The following LTBP1 variants were observed in gnomAD, a reference collection of about 807,000 sequenced individuals.
LTBP1 encodes latent-transforming growth factor beta-binding protein 1.
Under a neutral mutation model 207.6 loss-of-function variants are expected in LTBP1, and 129 were observed. That is an observed-to-expected ratio of 0.62 (90% CI 0.54 to 0.72). The LOEUF is 0.72. LTBP1 is among the 30% of genes least tolerant of loss of function. The pLI, the probability that LTBP1 is intolerant of heterozygous loss-of-function variation, is 0.00. For synonymous variants in LTBP1, 963 were observed against 833.7 expected, an observed-to-expected ratio of 1.16 and a Z score of -2.67; for missense variants, 2,281 against 2,217.2, an observed-to-expected ratio of 1.03 and a Z score of -0.58.
At chr2:33,333,819 A>C (rs2094524388) in intron 24 of LTBP1, among the ~76,000 whole-genome samples, 1 of 152,174 alleles carries the variant, frequency 6.6e-6, no homozygotes, top group Admixed American at 6.5e-5. Flanking sequence ...TCTAGACCGC[A>C]TGTGAAGCCA....
chr2:33,093,677 C>G (rs1411662404), intron 3 of LTBP1, among the ~76,000 whole-genome samples: 1 of 152,032 alleles, frequency 6.6e-6, no homozygotes, highest in Non-Finnish European at 1.5e-5. Context: ...AGAAATTACT[C>G]TTGTTCTTTG....
intron 3 of LTBP1, among the ~76,000 whole-genome samples, chr2:33,023,489 GCAGTTTGCTTTGGAGACTT>G (rs1389401072): frequency 6.6e-6 from 1 of 152,162 alleles, no homozygotes; most frequent in East Asian, 1.9e-4. Context: ...AAGTCATTAG[GCAGTTTGCTTTGGAGACTT>G]CATCTGCTGA....
At chr2:33,123,037 ACTTTTCCTCACTCTCTTTATAG>A (rs1212383136) in intron 4 of LTBP1, among the ~76,000 whole-genome samples, 49 of 152,272 alleles carry the variant, frequency 3.2e-4, no homozygotes, top group Middle Eastern at 3.4e-3. Flanking sequence ...CAGCTGCTCA[ACTTTTCCTCACTCTCTTTATAG>A]CTTTTCCTCA....
intron 3 of LTBP1, among the ~76,000 whole-genome samples, chr2:33,043,939 G>A (rs770229044): frequency 1.3e-5 from 2 of 152,056 alleles, no homozygotes; most frequent in Admixed American, 6.5e-5. Flanking sequence ...TGTAGAGGGT[G>A]GAGAAGGCAG....
rs867655635 is a variant in LTBP1, at chr2:32,947,883, G to A, written c.494+65G>A. On this transcript the variant is annotated intron_variant, in intron 1 of 33. Coordinates refer to ENST00000404816, the MANE Select transcript of LTBP1 (RefSeq NM_206943.4). ...GCGCACCGCCCGCGGAGGGACCTGC[G>A]GGGTCAGGGCCACTCGGAGCCCCGC... The A allele has an allele frequency of 4.8e-6, 6 of 1,251,684 alleles. No homozygotes were observed. In the African/African-American group the frequency reaches 5.1e-5, roughly 11 times the overall value. The allele number at this position is 1,251,684 out of a possible 1,614,324, so 77.5% of individuals were successfully genotyped here. A position where few individuals can be genotyped will look rare whatever the true frequency, so the allele number is the denominator to read the frequency against.
chr2:33,190,239 C>G (rs1237353836), intron 7 of LTBP1, among the ~76,000 whole-genome samples: 1 of 152,112 alleles, frequency 6.6e-6, no homozygotes, highest in Non-Finnish European at 1.5e-5. Context: ...CTGTGGTTTC[C>G]CTCCTGTCTT....
chr2:33,350,874 AC>A, intron 26 of LTBP1, among the ~76,000 whole-genome samples: 1 of 152,298 alleles, frequency 6.6e-6, no homozygotes, highest in East Asian at 1.9e-4. Flanking sequence ...TTCAGACCTT[AC>A]CCACAAAATG....
At chr2:32,961,525 T>C (rs1233739736) in intron 2 of LTBP1, among the ~76,000 whole-genome samples, 3 of 151,372 alleles carry the variant, frequency 2.0e-5, no homozygotes, top group Non-Finnish European at 1.5e-5. Flanking sequence ...TTTTGGAACA[T>C]TTGTATGCTC....
intron 3 of LTBP1, among the ~76,000 whole-genome samples, chr2:33,035,196 G>A (rs1053150683): frequency 6.6e-6 from 1 of 152,168 alleles, no homozygotes; most frequent in Non-Finnish European, 1.5e-5. Context: ...AAACAAATGA[G>A]TTTCTTAAAG....
At chr2:33,332,393 AAAAAAGAG>A (rs1274501949) in intron 24 of LTBP1, among the ~76,000 whole-genome samples, 41 of 144,294 alleles carry the variant, frequency 2.8e-4, no homozygotes, top group Non-Finnish European at 4.9e-4. Context: ...AAAAAAAAAA[AAAAAAGAG>A]AGAGAGAGAC....
chr2:33,309,039 T>C (rs2149143086), intron 22 of LTBP1, among the ~76,000 whole-genome samples: 1 of 152,214 alleles, frequency 6.6e-6, no homozygotes, highest in Non-Finnish European at 1.5e-5. Flanking sequence ...TCTCAACACT[T>C]TGGGAGGCTG....
At chr2:33,267,880 C>T (rs2093223339) in intron 15 of LTBP1, among the ~76,000 whole-genome samples, 1 of 152,168 alleles carries the variant, frequency 6.6e-6, no homozygotes, top group Non-Finnish European at 1.5e-5. Flanking sequence ...ATGCAAGTAG[C>T]CTTGCTATAG....
At chr2:33,292,099 A>G (rs1377511288) in intron 19 of LTBP1, among the ~76,000 whole-genome samples, 1 of 152,164 alleles carries the variant, frequency 6.6e-6, no homozygotes, top group Non-Finnish European at 1.5e-5. Context: ...TTGATACCTC[A>G]CTAGTGTCTG....
intron 24 of LTBP1, among the ~76,000 whole-genome samples, chr2:33,335,852 A>G (rs2094548421): frequency 1.3e-5 from 2 of 152,124 alleles, no homozygotes; most frequent in Admixed American, 6.5e-5. Flanking sequence ...CTGTTTTCCT[A>G]AGATTCTGGC....
In LTBP1 at chr2:33,389,542, C is replaced by A. The variant is rs2095297525; in HGVS notation, c.4834+236C>A. ...CGTGAGCCGAGATCACACCACTGCA[C>A]TCCAGCCTGGGCAACACAATGAGAC... On this transcript the variant is annotated intron_variant, in intron 32 of 33. Coordinates refer to ENST00000404816, the MANE Select transcript of LTBP1 (RefSeq NM_206943.4). 3.3e-5 allele frequency among the ~76,000 whole-genome samples: 5 copies of A among 152,300 alleles called. No homozygotes were observed. In the South Asian group the frequency reaches 8.3e-4, roughly 25 times the overall value.
chr2:33,289,918 T>G (rs2093740732), intron 19 of LTBP1, among the ~76,000 whole-genome samples: 1 of 152,186 alleles, frequency 6.6e-6, no homozygotes, highest in Non-Finnish European at 1.5e-5. Flanking sequence ...ACCTGCTTCC[T>G]TCATAACCCA....
intron 12 of LTBP1, 88 bp from the exon 13 acceptor site, chr2:33,259,500 T>G: frequency 2.2e-6 from 2 of 908,410 alleles, no homozygotes; most frequent in South Asian, 1.9e-5. Context: ...GCAGAGATAA[T>G]GGACTTCTAT....
intron 25 of LTBP1, 115 bp from the exon 26 acceptor site, chr2:33,347,252 C>T (rs1229311318): frequency 5.9e-6 from 7 of 1,178,224 alleles, no homozygotes; most frequent in Non-Finnish European, 8.5e-6. Flanking sequence ...TTTGACTGCT[C>T]TCTGGGGATC....
Position 33,347,502 on chromosome 2 carries a change from C to T in LTBP1, c.3992C>T (p.Thr1331Ile). 1.2e-6 allele frequency: 2 copies of T among 1,614,112 alleles called. No individual in the cohort carries two copies. The highest frequency in any genetic ancestry group is 8.5e-7 in the Non-Finnish European group (1 of 1,180,016). Residue 1331 changes from threonine (T) to isoleucine (I), a missense_variant, in exon 26 of 34, where the codon ACC becomes ATC. Transcript: ENST00000404816. ...SPMTGQCRSR[T>I]STDLDVDVDQ... ...ATGACTGGGCAGTGCCGCTCCCGGA[C>T]CTCCACAGGTAAGTCCCAGTGACAC...
Sources: gnomAD v4.1 joint callset for allele counts (sites outside exome capture counted in the v4.1 genomes callset) on GRCh38, gnomAD v4.1.1 for gene constraint, MANE v1.5 for transcripts, NCBI Gene and HGNC (gene_info 2026-07-23, HGNC 2026-07-21) for gene names.